RSF1: variants seen among roughly 807,000 people sequenced by gnomAD.
RSF1 encodes the protein HBV pX-associated protein 8.
RSF1 carries 13 observed loss-of-function variants against 145.2 expected under a neutral mutation model. That is an observed-to-expected ratio of 0.09 (90% CI 0.06 to 0.14). The LOEUF (loss-of-function observed/expected upper bound fraction) is 0.14. Among genes scored for constraint, RSF1 ranks in the 10% least tolerant of loss-of-function variants. The pLI, the probability that RSF1 is intolerant of heterozygous loss-of-function variation, is 1.00. For missense variants in RSF1, 1,517 were observed against 1,718.2 expected, an observed-to-expected ratio of 0.88 and a Z score of 2.07; for synonymous variants, 577 against 592.6, an observed-to-expected ratio of 0.97 and a Z score of 0.38.
At chr11:77,715,093 T>C (rs1960775817) in intron 5 of RSF1, among the ~76,000 whole-genome samples, 1 of 152,208 alleles carries the variant, frequency 6.6e-6, no homozygotes, top group Non-Finnish European at 1.5e-5. Flanking sequence ...CACTGTATTC[T>C]ATCCTGGGCA....
At chr11:77,798,295 G>A (rs1319395253) in intron 1 of RSF1, among the ~76,000 whole-genome samples, 1 of 152,024 alleles carries the variant, frequency 6.6e-6, no homozygotes, top group East Asian at 1.9e-4. Flanking sequence ...AAGAAAATGT[G>A]GCACACAGGC....
At chr11:77,745,754 A>T (rs2135916721) in intron 3 of RSF1, among the ~76,000 whole-genome samples, 1 of 151,200 alleles carries the variant, frequency 6.6e-6, no homozygotes, top group East Asian at 1.9e-4. Flanking sequence ...TGTATTTTGT[A>T]TGATTAGGGT....
chr11:77,790,215 G>C (rs1206552025), intron 1 of RSF1, among the ~76,000 whole-genome samples: 2 of 152,278 alleles, frequency 1.3e-5, no homozygotes, highest in African/African-American at 2.4e-5. Context: ...CACAATCATG[G>C]TAGAAGGCAA....
intron 1 of RSF1, among the ~76,000 whole-genome samples, chr11:77,799,841 A>T (rs1396537828): frequency 2.0e-5 from 3 of 152,226 alleles, no homozygotes; most frequent in African/African-American, 7.2e-5. Context: ...TAACAACCTT[A>T]CATAAATAAA....
In RSF1 at chr11:77,661,203, A is replaced by G. The variant is rs1055324251; in HGVS notation, c.*5714T>C. On this transcript the variant is annotated 3_prime_UTR_variant, in exon 16 of 16. Coordinates refer to ENST00000308488, the MANE Select transcript of RSF1 (RefSeq NM_016578.4). Reference sequence around the variant, plus strand: ...AGCCCTGCTCTACCACCATCTTAGCATAGGACATACCCTTTCAAAGTGTAC... The same window carrying G: ...AGCCCTGCTCTACCACCATCTTAGCGTAGGACATACCCTTTCAAAGTGTAC... 1 of 152,164 alleles carries G rather than the reference A, an allele frequency of 6.6e-6. No homozygotes were observed. The highest frequency in any genetic ancestry group is 1.5e-5 in the Non-Finnish European group (1 of 68,022). 9.4% of individuals were successfully genotyped at this position (152,164 alleles called of 1,614,324 possible). A position where few individuals can be genotyped will look rare whatever the true frequency, so the allele number is the denominator to read the frequency against.
chr11:77,706,240 C>CA (rs1286243034), intron 5 of RSF1, among the ~76,000 whole-genome samples: 6,711 of 60,728 alleles, frequency 0.11, 224 homozygotes, highest in Middle Eastern at 0.16. Context: ...ACTCTGTCTC[C>CA]AAAAAAAAAA....
At chr11:77,725,995 T>C (rs1027522401) in intron 4 of RSF1, among the ~76,000 whole-genome samples, 1 of 152,178 alleles carries the variant, frequency 6.6e-6, no homozygotes, top group African/African-American at 2.4e-5. Context: ...AAATCAACGT[T>C]TGATAACTTT....
intron 5 of RSF1, among the ~76,000 whole-genome samples, chr11:77,706,002 A>G (rs1426319902): frequency 6.6e-6 from 1 of 152,172 alleles, no homozygotes; most frequent in African/African-American, 2.4e-5. Flanking sequence ...GCAGTGGCTT[A>G]CGCCTGTAAT....
At position 77,740,947 on chromosome 11, in the gene RSF1, G is replaced by A. The variant is rs1254246168; in HGVS notation, c.373-11C>T. The A allele has an allele frequency of 6.3e-7, 1 of 1,586,570 alleles. No homozygotes were observed. Among genetic ancestry groups the A allele is most frequent in the Non-Finnish European group, 8.7e-7 (1 of 1,156,068 alleles). On this transcript the variant is annotated splice_polypyrimidine_tract_variant and intron_variant, in intron 3 of 15. Transcript: ENST00000308488. The stretch of plus-strand genomic sequence containing the variant: ...ACACTCACAGAGGTACTGAAAAATA[G>A]TCATAACATGACTTAAAATACCTCA...
At chr11:77,749,798 G>T (rs1267905760) in intron 2 of RSF1, among the ~76,000 whole-genome samples, 1 of 152,090 alleles carries the variant, frequency 6.6e-6, no homozygotes, top group Admixed American at 6.5e-5. Context: ...GCCCAGGCTG[G>T]AGTGCAGTGG....
At chr11:77,846,469 G>A in the RSF1 span, among the ~76,000 whole-genome samples, 3 of 152,164 alleles carry the variant, frequency 2.0e-5, no homozygotes, top group African/African-American at 4.8e-5. Context: ...AACTTTGGGA[G>A]GCTGAGGCAG....
Position 77,666,769 on chromosome 11 carries a change from A to G in RSF1, c.*148T>C, listed in dbSNP as rs893912161. On this transcript the variant is annotated 3_prime_UTR_variant, in exon 16 of 16. Transcript: ENST00000308488. ...CAAAGTTCAGAACTGGTCACTTCACAGAAAGACTTCAGGATTTGTTGAAAT... is the reference window on the plus strand; with the variant it reads ...CAAAGTTCAGAACTGGTCACTTCACGGAAAGACTTCAGGATTTGTTGAAAT... 1 of 557,886 alleles carries G rather than the reference A, an allele frequency of 1.8e-6. No homozygotes were observed. Among genetic ancestry groups the G allele is most frequent in the Non-Finnish European group, 3.0e-6 (1 of 335,346 alleles). The allele number at this position is 557,886 out of a possible 1,614,324, so 34.6% of individuals were successfully genotyped here.
At chr11:77,794,833 T>C (rs112828046) in intron 1 of RSF1, among the ~76,000 whole-genome samples, 4 of 152,168 alleles carry the variant, frequency 2.6e-5, no homozygotes, top group African/African-American at 4.8e-5. Context: ...TAAATCAACA[T>C]AGTACTGGAA....
intron 3 of RSF1, among the ~76,000 whole-genome samples, chr11:77,743,973 T>C (rs1947970132): frequency 1.3e-5 from 2 of 152,224 alleles, no homozygotes; most frequent in South Asian, 2.1e-4. Flanking sequence ...CATATGATCA[T>C]ATAATATTTG....
chr11:77,675,747 C>T (rs368289239), intron 13 of RSF1, among the ~76,000 whole-genome samples: 4 of 152,320 alleles, frequency 2.6e-5, no homozygotes, highest in South Asian at 4.1e-4. Flanking sequence ...TTCATACTCA[C>T]CTTAACTACA....
intron 1 of RSF1, among the ~76,000 whole-genome samples, chr11:77,784,020 G>A (rs939037833): frequency 1.3e-5 from 2 of 152,082 alleles, no homozygotes; most frequent in Non-Finnish European, 2.9e-5. Flanking sequence ...CGTACTTTAG[G>A]TTTGTTGAGA....
At chr11:77,730,492 T>TCA (rs1302810117) in intron 4 of RSF1, among the ~76,000 whole-genome samples, 2 of 152,204 alleles carry the variant, frequency 1.3e-5, no homozygotes, top group African/African-American at 4.8e-5. Context: ...ATAAGGAATA[T>TCA]CACTATTCCC....
At chr11:77,872,190 G>GT in the RSF1 span, 8 of 1,613,462 alleles carry the variant, frequency 5.0e-6, no homozygotes, top group Non-Finnish European at 6.8e-6. Flanking sequence ...TTCATCAACT[G>GT]TGGAGTACCT....
chr11:77,736,125 A>G (rs1233523264), intron 4 of RSF1, among the ~76,000 whole-genome samples: 1 of 152,224 alleles, frequency 6.6e-6, no homozygotes, highest in Non-Finnish European at 1.5e-5. Flanking sequence ...CGTTTAATTG[A>G]AAAATGTGTG....
Sources: gnomAD v4.1 joint callset for allele counts (sites outside exome capture counted in the v4.1 genomes callset) on GRCh38, gnomAD v4.1.1 for gene constraint, MANE v1.5 for transcripts, NCBI Gene and HGNC (gene_info 2026-07-23, HGNC 2026-07-21) for gene names.